RIMS1: variants seen among roughly 807,000 people sequenced by gnomAD.
RIMS1 encodes regulating synaptic membrane exocytosis protein 1.
A neutral mutation model predicts 214.1 loss-of-function variants in RIMS1; 83 were observed. The observed-to-expected ratio is 0.39, with a 90% CI of 0.32 to 0.47. The LOEUF (loss-of-function observed/expected upper bound fraction) is 0.47, where lower values mean the gene tolerates loss of function less well. Among genes scored for constraint, RIMS1 ranks in the 20% least tolerant of loss-of-function variants. RIMS1 has a pLI of 0.99. For synonymous variants in RIMS1, 793 were observed against 786.8 expected (o/e 1.01, Z -0.13); for missense variants, 2,050 against 2,161.8 (o/e 0.95, Z 1.03).
chr6:71,993,070 C>T (rs1477828862), intron 2 of RIMS1, among the ~76,000 whole-genome samples: 1 of 152,108 alleles, frequency 6.6e-6, no homozygotes, highest in Non-Finnish European at 1.5e-5. Context: ...TAAACACACA[C>T]AAGATTGTTA....
intron 23 of RIMS1, among the ~76,000 whole-genome samples, chr6:72,283,593 CA>C (rs202142090): frequency 2.4e-4 from 37 of 151,822 alleles, no homozygotes; most frequent in East Asian, 1.9e-3. Context: ...GGGGACAAAT[CA>C]AAAAAAATCT....
intron 6 of RIMS1, among the ~76,000 whole-genome samples, chr6:72,196,786 A>T (rs568049908): frequency 2.6e-5 from 4 of 151,786 alleles, no homozygotes; most frequent in Non-Finnish European, 5.9e-5. Flanking sequence ...GCTTTTCCAC[A>T]TAAGAGCTTG....
At chr6:71,989,981 C>T (rs556772690) in intron 2 of RIMS1, among the ~76,000 whole-genome samples, 2 of 152,312 alleles carry the variant, frequency 1.3e-5, no homozygotes, top group South Asian at 4.1e-4. Flanking sequence ...CCCAGCTTCT[C>T]CCAGACTGTG....
At chr6:72,043,094 C>T (rs986101233) in intron 2 of RIMS1, among the ~76,000 whole-genome samples, 4 of 151,424 alleles carry the variant, frequency 2.6e-5, no homozygotes, top group Admixed American at 6.6e-5. Flanking sequence ...ATAATTTTTG[C>T]CATGTTTCAA....
chr6:71,935,499 A>G (rs1404309441), intron 1 of RIMS1, among the ~76,000 whole-genome samples: 1 of 152,380 alleles, frequency 6.6e-6, no homozygotes, highest in South Asian at 2.1e-4. Flanking sequence ...AAATGTTTTA[A>G]AAAGCATAGG....
At chr6:72,344,271 T>A (rs2097189812) in intron 29 of RIMS1, among the ~76,000 whole-genome samples, 4 of 151,748 alleles carry the variant, frequency 2.6e-5, no homozygotes. Flanking sequence ...TACCAAAATG[T>A]TCTCTGGTAA....
intron 4 of RIMS1, among the ~76,000 whole-genome samples, chr6:72,105,355 A>T (rs910198739): frequency 6.6e-6 from 1 of 152,024 alleles, no homozygotes; most frequent in Non-Finnish European, 1.5e-5. Context: ...TGCATTTTAC[A>T]TGGTAATTCA....
intron 2 of RIMS1, among the ~76,000 whole-genome samples, chr6:72,094,278 T>C (rs1459257993): frequency 1.3e-5 from 2 of 152,174 alleles, no homozygotes; most frequent in Admixed American, 6.5e-5. Flanking sequence ...AGAGAGGTGT[T>C]ATGTACGGTA....
At chr6:72,092,291 C>CCCTCCCTCCCTCCCTTCCTT (rs745668426) in intron 2 of RIMS1, among the ~76,000 whole-genome samples, 3 of 108,006 alleles carry the variant, frequency 2.8e-5, no homozygotes, top group Non-Finnish European at 4.2e-5. Context: ...CTCCCTCCCT[C>CCCTCCCTCCCTCCCTTCCTT]CCTTCCTTCC....
intron 29 of RIMS1, among the ~76,000 whole-genome samples, chr6:72,378,270 A>G (rs1255385347): frequency 1.3e-5 from 2 of 152,252 alleles, no homozygotes; most frequent in South Asian, 2.1e-4. Flanking sequence ...GTCTCCCAAC[A>G]GGAATTTCAC....
rs1813277444 is a variant in RIMS1, at chr6:72,017,847, G to A, written c.245+48784G>A. On this transcript the variant is annotated intron_variant, in intron 2 of 33. Coordinates refer to ENST00000521978, the MANE Select transcript of RIMS1 (RefSeq NM_014989.7). The stretch of plus-strand genomic sequence containing the variant: ...CAGTAACAACCTGAAAGAATTGTGT[G>A]TGAGCCATTCTGGGCAGAAGGACAT... 2.0e-5 allele frequency among the ~76,000 whole-genome samples: 3 copies of A among 152,226 alleles called. 1 individual carries two copies. Among genetic ancestry groups the A allele is most frequent in the Admixed American group, 2.0e-4 (3 of 15,282 alleles).
intron 2 of RIMS1, among the ~76,000 whole-genome samples, chr6:72,073,170 T>C (rs1268611635): frequency 1.3e-5 from 2 of 152,294 alleles, no homozygotes; most frequent in Admixed American, 6.5e-5. Flanking sequence ...TTGTCATCTA[T>C]GCCATTTTTA....
intron 2 of RIMS1, among the ~76,000 whole-genome samples, chr6:71,997,476 C>G (rs1000858846): frequency 6.6e-6 from 1 of 152,110 alleles, no homozygotes; most frequent in Non-Finnish European, 1.5e-5. Context: ...AAATTGCTGT[C>G]CCTTTCATTA....
chr6:71,888,313 T>G (rs1768472791), intron 1 of RIMS1, among the ~76,000 whole-genome samples: 1 of 152,188 alleles, frequency 6.6e-6, no homozygotes, highest in South Asian at 2.1e-4. Flanking sequence ...GCCCTGACTG[T>G]GACTGACTCC....
intron 29 of RIMS1, among the ~76,000 whole-genome samples, chr6:72,339,634 A>G (rs1361975102): frequency 1.3e-5 from 2 of 152,044 alleles, no homozygotes; most frequent in African/African-American, 4.8e-5. Flanking sequence ...TTATGGCTGC[A>G]TAGTATTCCA....
chr6:72,363,239 G>C (rs2746210), intron 29 of RIMS1, among the ~76,000 whole-genome samples: 69,001 of 151,830 alleles, frequency 0.45, 16,183 homozygotes, highest in Middle Eastern at 0.51. Context: ...AAAGGTGAAA[G>C]TAATTTTAAG....
chr6:72,262,933 C>T lies in RIMS1; in HGVS notation c.3117-2042C>T, dbSNP rs148202644. 685 of 480,672 alleles carry T rather than the reference C, an allele frequency of 1.4e-3. 4 individuals carry two copies. Among genetic ancestry groups the T allele is most frequent in the African/African-American group, 0.013 (600 of 47,572 alleles). The allele number at this position is 480,672 out of a possible 1,614,324, so 29.8% of individuals were successfully genotyped here. The stretch of plus-strand genomic sequence containing the variant: ...GTGTTAAATATTTAATGTACTTTGT[C>T]AATTTCCTGACAATAATTATATGTT... On this transcript the variant is annotated intron_variant, in intron 19 of 33. Transcript: ENST00000521978.
chr6:72,134,761 C>T (rs17781481), intron 4 of RIMS1, among the ~76,000 whole-genome samples: 1,696 of 152,154 alleles, frequency 0.011, 10 homozygotes, highest in Non-Finnish European at 0.017. Flanking sequence ...AATTTGATCA[C>T]TTAGTTTTCA....
At chr6:72,148,727 T>C (rs1588070861) in intron 4 of RIMS1, 2 of 379,446 alleles carry the variant, frequency 5.3e-6, no homozygotes, top group Non-Finnish European at 5.1e-6. Flanking sequence ...TTTTTTTTTT[T>C]TCTAGGGCTT....
Sources: gnomAD v4.1 joint callset for allele counts (sites outside exome capture counted in the v4.1 genomes callset) on GRCh38, gnomAD v4.1.1 for gene constraint, MANE v1.5 for transcripts, NCBI Gene and HGNC (gene_info 2026-07-23, HGNC 2026-07-21) for gene names.